Variants in GRM8 observed in about 807,000 individuals in gnomAD.
GRM8 encodes glutamate metabotropic receptor 8.
A neutral mutation model predicts 87.2 loss-of-function variants in GRM8; 47 were observed. The ratio of observed to expected loss-of-function variants is 0.54; its 90% CI spans 0.43 to 0.69. GRM8 has a LOEUF of 0.69. Ranked by LOEUF, GRM8 falls within the 30% of genes least tolerant of loss-of-function variation. The pLI is 0.00. For synonymous variants in GRM8, 396 were observed against 404.5 expected, an observed-to-expected ratio of 0.98 and a Z score of 0.25; for missense variants, 1,019 against 1,139.2, an observed-to-expected ratio of 0.89 and a Z score of 1.52.
chr7:126,476,560 C>T (rs1395168527), intron 9 of GRM8, among the ~76,000 whole-genome samples: 1 of 151,990 alleles, frequency 6.6e-6, no homozygotes, highest in African/African-American at 2.4e-5. Flanking sequence ...GCAAAAGAAA[C>T]CCCTGATTTT....
At chr7:126,528,209 A>T (rs1814193003) in intron 9 of GRM8, among the ~76,000 whole-genome samples, 1 of 151,968 alleles carries the variant, frequency 6.6e-6, no homozygotes, top group Admixed American at 6.6e-5. Flanking sequence ...CTCCATCTCA[A>T]AAAACAACGA....
chr7:126,635,103 G>A (rs1801717859), intron 7 of GRM8, among the ~76,000 whole-genome samples: 1 of 152,124 alleles, frequency 6.6e-6, no homozygotes, highest in Non-Finnish European at 1.5e-5. Flanking sequence ...GCTATATGTT[G>A]TCAATAATTG....
At chr7:127,076,321 T>C in intron 3 of GRM8, 1 of 396,118 alleles carries the variant, frequency 2.5e-6, no homozygotes, top group Non-Finnish European at 5.0e-6. Context: ...TTCTGTTCCA[T>C]GTTCAGATCC....
At chr7:127,161,841 G>A (rs1793136132) in intron 2 of GRM8, among the ~76,000 whole-genome samples, 2 of 152,054 alleles carry the variant, frequency 1.3e-5, no homozygotes, top group Non-Finnish European at 2.9e-5. Context: ...ACACTATTCT[G>A]TCACTGTTTA....
chr7:126,507,294 T>G (rs1810633506), intron 9 of GRM8, among the ~76,000 whole-genome samples: 1 of 152,092 alleles, frequency 6.6e-6, no homozygotes, highest in Non-Finnish European at 1.5e-5. Context: ...TCACCTATCT[T>G]TGTGACCTCA....
intron 6 of GRM8, among the ~76,000 whole-genome samples, chr7:126,894,742 C>T (rs13307875): frequency 1.3e-5 from 2 of 151,956 alleles, no homozygotes; most frequent in Non-Finnish European, 2.9e-5. Flanking sequence ...AGCCCCACTT[C>T]GGTAAAGTTC....
intron 8 of GRM8, among the ~76,000 whole-genome samples, chr7:126,590,628 G>T (rs1796585443): frequency 6.6e-6 from 1 of 152,214 alleles, no homozygotes; most frequent in South Asian, 2.1e-4. Context: ...AGGCAAAAGT[G>T]CCATGTAACC....
intron 8 of GRM8, 76 bp downstream of exon 8, chr7:126,609,286 A>G: frequency 1.8e-6 from 2 of 1,086,640 alleles, no homozygotes; most frequent in Non-Finnish European, 2.6e-6. Flanking sequence ...TATTCTAGCA[A>G]AAGTTATACA....
chr7:126,550,124 G>GT (rs887202091), intron 8 of GRM8, among the ~76,000 whole-genome samples: 46 of 148,900 alleles, frequency 3.1e-4, no homozygotes, highest in South Asian at 6.4e-4. Context: ...TTGTTTTTTT[G>GT]TTTTTTTTTC....
rs367811316 is a variant in GRM8 at position 126,931,296 on chromosome 7, C to T, written c.728-26613G>A. On this transcript the variant is annotated intron_variant, in intron 3 of 10. Transcript: ENST00000339582. ...ACAAATTCAATGATGTGCTTTGAATCAGTACATGAAAATACTCAGGTTGCA... is the reference window on the plus strand; with the variant it reads ...ACAAATTCAATGATGTGCTTTGAATTAGTACATGAAAATACTCAGGTTGCA... Among the ~76,000 whole-genome samples, 3 of 152,102 alleles carry T rather than the reference C, an allele frequency of 2.0e-5. No homozygotes were observed. The South Asian group carries it at 6.2e-4, about 32-fold the overall frequency.
intron 3 of GRM8, among the ~76,000 whole-genome samples, chr7:127,067,821 C>T (rs1821282398): frequency 6.6e-6 from 1 of 152,224 alleles, no homozygotes; most frequent in Admixed American, 6.5e-5. Flanking sequence ...CAATAATCTT[C>T]ATTTTCATCT....
chr7:126,612,699 T>C (rs142155779), intron 7 of GRM8, among the ~76,000 whole-genome samples: 2,472 of 152,308 alleles, frequency 0.016, 26 homozygotes, highest in Non-Finnish European at 0.026. Flanking sequence ...AAGGCAAAAG[T>C]ATCTATTATC....
chr7:127,021,020 C>A (rs990048020), intron 3 of GRM8, among the ~76,000 whole-genome samples: 4 of 152,028 alleles, frequency 2.6e-5, no homozygotes, highest in Non-Finnish European at 5.9e-5. Flanking sequence ...ATTGCCAACA[C>A]TTTCTATTCT....
At chr7:126,979,738 C>T (rs1811341900) in intron 3 of GRM8, among the ~76,000 whole-genome samples, 1 of 152,212 alleles carries the variant, frequency 6.6e-6, no homozygotes, top group Non-Finnish European at 1.5e-5. Context: ...GGTGAAGTAA[C>T]CTGGATCTCA....
intron 3 of GRM8, among the ~76,000 whole-genome samples, chr7:127,077,328 C>A (rs1222334264): frequency 6.6e-6 from 1 of 152,172 alleles, no homozygotes. Flanking sequence ...CAGATCTCAA[C>A]CAGAATCTCT....
chr7:126,756,594 T>G (rs1817030540), intron 7 of GRM8, among the ~76,000 whole-genome samples: 1 of 151,960 alleles, frequency 6.6e-6, no homozygotes, highest in Non-Finnish European at 1.5e-5. Flanking sequence ...AAATGAACTA[T>G]CAGGCCATAA....
intron 3 of GRM8, among the ~76,000 whole-genome samples, chr7:126,938,402 T>C (rs1357198077): frequency 6.6e-6 from 1 of 152,162 alleles, no homozygotes; most frequent in African/African-American, 2.4e-5. Flanking sequence ...CATTTTGACA[T>C]CTAATTTTTA....
At chr7:126,954,907 G>A (rs539802513) in intron 3 of GRM8, among the ~76,000 whole-genome samples, 3 of 152,182 alleles carry the variant, frequency 2.0e-5, no homozygotes, top group Non-Finnish European at 4.4e-5. Context: ...AAGCAAGGTA[G>A]AGAAAGAAGA....
At chr7:126,513,656 C>T (rs1811751085) in intron 9 of GRM8, among the ~76,000 whole-genome samples, 1 of 152,086 alleles carries the variant, frequency 6.6e-6, no homozygotes, top group African/African-American at 2.4e-5. Context: ...TCATTATCAC[C>T]TCTCTCCTTA....
Sources: allele counts gnomAD v4.1 joint callset (sites outside exome capture counted in the v4.1 genomes callset), GRCh38; gene constraint gnomAD v4.1.1; transcripts MANE v1.5; gene names NCBI Gene and HGNC (gene_info 2026-07-23, HGNC 2026-07-21).